The following SEMA5A variants were observed in gnomAD, a reference collection of about 807,000 sequenced individuals.
The protein encoded by SEMA5A is semaphorin 5A, also known as semaphorin-5A.
A neutral mutation model predicts 135.5 loss-of-function variants in SEMA5A; 55 were observed. The ratio of observed to expected loss-of-function variants is 0.41; its 90% CI spans 0.33 to 0.51. SEMA5A has a LOEUF of 0.51. Ranked by LOEUF, SEMA5A falls within the 20% of genes least tolerant of loss-of-function variation. The pLI, the probability that SEMA5A is intolerant of heterozygous loss-of-function variation, is 0.37. For missense variants in SEMA5A, 1,290 were observed against 1,419.9 expected, an observed-to-expected ratio of 0.91 and a Z score of 1.47; for synonymous variants, 580 against 546.5, an observed-to-expected ratio of 1.06 and a Z score of -0.85.
intron 5 of SEMA5A, among the ~76,000 whole-genome samples, chr5:9,308,473 G>T (rs1192077535): frequency 6.6e-6 from 1 of 152,084 alleles, no homozygotes; most frequent in East Asian, 1.9e-4. Flanking sequence ...GGAAATTTTT[G>T]CCTACTTCCT....
At chr5:9,469,607 G>A (rs1195145349) in intron 1 of SEMA5A, among the ~76,000 whole-genome samples, 8 of 152,126 alleles carry the variant, frequency 5.3e-5, no homozygotes, top group African/African-American at 9.7e-5. Context: ...CCAGGATACC[G>A]GCCCTAGGGC....
At chr5:9,535,129 G>C (rs1737686638) in intron 1 of SEMA5A, among the ~76,000 whole-genome samples, 4 of 152,226 alleles carry the variant, frequency 2.6e-5, no homozygotes, top group Non-Finnish European at 5.9e-5. Context: ...ATCCTTAAGG[G>C]CTTTCCTATG....
chr5:9,380,056 T>C (rs1755530304), intron 2 of SEMA5A, 33 bp from the exon 3 acceptor site: 2 of 1,408,904 alleles, frequency 1.4e-6, no homozygotes, highest in East Asian at 4.7e-5. Flanking sequence ...ATCAGATGAC[T>C]GTGAGTTCGT....
Position 9,108,409 on chromosome 5 carries a change from T to G in SEMA5A, c.1926-122A>C, listed in dbSNP as rs1187137619. 6.2e-6 allele frequency: 7 copies of G among 1,127,296 alleles called. No individual in the cohort carries two copies. In the African/African-American group the frequency reaches 7.8e-5, roughly 13 times the overall value. 69.8% of individuals were successfully genotyped at this position (1,127,296 alleles called of 1,614,324 possible). A position where few individuals can be genotyped will look rare whatever the true frequency, so the allele number is the denominator to read the frequency against. ...TGGGCATGCTCTGCGTGGAGGAGCT[T>G]TTTGTATTTTGAGCAGTTGCACCAT... is the stretch of plus-strand genomic sequence containing the variant. On this transcript the variant is annotated intron_variant, in intron 15 of 22. Coordinates refer to ENST00000382496, the MANE Select transcript of SEMA5A (RefSeq NM_003966.3).
At chr5:9,251,822 G>A (rs1443490194) in intron 5 of SEMA5A, among the ~76,000 whole-genome samples, 1 of 152,170 alleles carries the variant, frequency 6.6e-6, no homozygotes, top group Non-Finnish European at 1.5e-5. Context: ...ACTCCTGATG[G>A]GGAAGATGGC....
At chr5:9,508,009 A>C (rs1034000919) in intron 1 of SEMA5A, among the ~76,000 whole-genome samples, 17 of 45,796 alleles carry the variant, frequency 3.7e-4, no homozygotes, top group Admixed American at 6.8e-4. Flanking sequence ...GTCTCAAAAA[A>C]AAAAAAAAGA....
At chr5:9,201,899 A>C in intron 9 of SEMA5A, 56 bp downstream of exon 9, 1 of 1,491,146 alleles carries the variant, frequency 6.7e-7, no homozygotes, top group Non-Finnish European at 9.2e-7. Context: ...AAAGAACAGA[A>C]GACTTATTCA....
chr5:9,518,435 C>T (rs913694500), intron 1 of SEMA5A, among the ~76,000 whole-genome samples: 2 of 152,160 alleles, frequency 1.3e-5, no homozygotes, highest in African/African-American at 4.8e-5. Flanking sequence ...TAATTTACAC[C>T]TAAGGAAGCT....
intron 5 of SEMA5A, among the ~76,000 whole-genome samples, chr5:9,245,463 G>A (rs144214734): frequency 6.6e-6 from 1 of 152,258 alleles, no homozygotes; most frequent in East Asian, 1.9e-4. Flanking sequence ...AGTGACTGCT[G>A]AGTCATAACA....
intron 15 of SEMA5A, among the ~76,000 whole-genome samples, chr5:9,115,209 T>C (rs1246915215): frequency 6.6e-6 from 1 of 152,168 alleles, no homozygotes; most frequent in Non-Finnish European, 1.5e-5. Flanking sequence ...GAAAGGCTGC[T>C]GGAAACCCTG....
At chr5:9,069,351 C>T (rs1224859586) in intron 16 of SEMA5A, among the ~76,000 whole-genome samples, 6 of 152,038 alleles carry the variant, frequency 3.9e-5, no homozygotes, top group South Asian at 2.1e-4. Context: ...CATGCTTCTT[C>T]GATGTATTTC....
intron 11 of SEMA5A, among the ~76,000 whole-genome samples, chr5:9,162,496 G>GTATATA (rs749185936): frequency 0.29 from 15,882 of 53,900 alleles, 1,009 homozygotes; most frequent in Middle Eastern, 0.36. Context: ...ATATGTATAT[G>GTATATA]TGTATATATA....
At chr5:9,224,253 A>G (rs948141981) in intron 8 of SEMA5A, among the ~76,000 whole-genome samples, 1 of 152,200 alleles carries the variant, frequency 6.6e-6, no homozygotes, top group African/African-American at 2.4e-5. Flanking sequence ...GGAGTTACCT[A>G]TAGACAAACA....
intron 6 of SEMA5A, chr5:9,237,617 T>C: frequency 2.5e-6 from 1 of 398,182 alleles, no homozygotes; most frequent in Non-Finnish European, 4.5e-6. Context: ...TCTTCTTATG[T>C]TCTGAATCCT....
intron 1 of SEMA5A, among the ~76,000 whole-genome samples, chr5:9,505,214 G>A (rs1168216273): frequency 6.6e-6 from 1 of 152,160 alleles, no homozygotes; most frequent in East Asian, 1.9e-4. Context: ...GACCAAGGAT[G>A]TGAGTCCCAG....
rs1488921833 is a variant in SEMA5A, at chr5:9,036,811, T to C, written c.*6086A>G. The C allele has an allele frequency of 1.3e-5, 2 of 152,620 alleles. No homozygotes were observed. The highest frequency in any genetic ancestry group is 4.8e-5 in the African/African-American group (2 of 41,448). The allele number at this position is 152,620 out of a possible 1,614,324, so 9.5% of individuals were successfully genotyped here. A position where few individuals can be genotyped will look rare whatever the true frequency, so the allele number is the denominator to read the frequency against. On this transcript the variant is annotated 3_prime_UTR_variant, in exon 23 of 23. Coordinates refer to ENST00000382496, the MANE Select transcript of SEMA5A (RefSeq NM_003966.3). ...GACCAATAATATCCACATGAAATGA[T>C]AAATGATCATCTTAAACAAGGCACT... is the stretch of plus-strand genomic sequence containing the variant.
At chr5:9,451,152 A>C (rs1435310090) in intron 1 of SEMA5A, among the ~76,000 whole-genome samples, 1 of 152,126 alleles carries the variant, frequency 6.6e-6, no homozygotes, top group Non-Finnish European at 1.5e-5. Flanking sequence ...TCTCATCTAT[A>C]TCCTCTCTCA....
chr5:9,418,391 C>T (rs933747215), intron 2 of SEMA5A, among the ~76,000 whole-genome samples: 3 of 152,192 alleles, frequency 2.0e-5, no homozygotes, highest in Non-Finnish European at 4.4e-5. Context: ...AGGATTTCAA[C>T]ATATGCATTT....
At chr5:9,380,892 T>C (rs3026307) in intron 2 of SEMA5A, among the ~76,000 whole-genome samples, 3,225 of 151,544 alleles carry the variant, frequency 0.021, 49 homozygotes, top group Non-Finnish European at 0.032. Context: ...TGCTGGAGGA[T>C]AAAGAGGATT....
Sources: gnomAD v4.1 joint callset for allele counts (sites outside exome capture counted in the v4.1 genomes callset) on GRCh38, gnomAD v4.1.1 for gene constraint, MANE v1.5 for transcripts, NCBI Gene and HGNC (gene_info 2026-07-23, HGNC 2026-07-21) for gene names.